The following WDR17 variants were observed in gnomAD, a reference collection of about 807,000 sequenced individuals.
WDR17 encodes WD repeat domain 17.
In WDR17, 143 loss-of-function variants were observed where a neutral mutation model predicts 161.7. The ratio of observed to expected loss-of-function variants is 0.88; its 90% CI spans 0.77 to 1.02. WDR17 has a LOEUF of 1.02. WDR17 is among the 50% of genes least tolerant of loss of function. The pLI, the probability that WDR17 is intolerant of heterozygous loss-of-function variation, is 0.00. For missense variants in WDR17, 1,469 were observed against 1,520.9 expected (o/e 0.97, Z 0.57); for synonymous variants, 517 against 515.6 (o/e 1.00, Z -0.04).
intron 1 of WDR17, among the ~76,000 whole-genome samples, chr4:176,105,214 A>G (rs1738518120): frequency 6.6e-6 from 1 of 152,040 alleles, no homozygotes; most frequent in South Asian, 2.1e-4. Context: ...AAAAAACACC[A>G]TCAAAATATA....
intron 1 of WDR17, among the ~76,000 whole-genome samples, chr4:176,097,742 T>TACACACACACAC (rs35130339): frequency 1.4e-5 from 2 of 143,144 alleles, no homozygotes; most frequent in Non-Finnish European, 3.0e-5. Flanking sequence ...CACACACACA[T>TACACACACACAC]ACACACACAC....
rs1224192086 is a variant in WDR17, at chr4:176,129,849, C to T, written c.913+989C>T. On this transcript the variant is annotated intron_variant, in intron 6 of 28. Coordinates refer to ENST00000508596, the MANE Select transcript of WDR17 (RefSeq NM_181265.4). ...GACTAGAGAAGTAATATGCTGGATG[C>T]TGGCTTACTGTTTAGGGATGTTGGA... Among the ~76,000 whole-genome samples, 4 of 152,148 alleles carry T rather than the reference C, an allele frequency of 2.6e-5. No individual in the cohort carries two copies. In the East Asian group the frequency reaches 7.7e-4, roughly 29 times the overall value.
chr4:176,072,823 A>C (rs545897417), intron 1 of WDR17, among the ~76,000 whole-genome samples: 1 of 152,352 alleles, frequency 6.6e-6, no homozygotes, highest in East Asian at 1.9e-4. Context: ...GAAAAATTAC[A>C]CAATTCAGAA....
intron 22 of WDR17, among the ~76,000 whole-genome samples, chr4:176,164,165 G>A (rs944167968): frequency 3.9e-5 from 6 of 152,112 alleles, no homozygotes; most frequent in Admixed American, 3.9e-4. Flanking sequence ...ACGATTTTAA[G>A]TACTTTATAT....
chr4:176,154,554 AT>A (rs148420315), intron 17 of WDR17, among the ~76,000 whole-genome samples: 6 of 152,120 alleles, frequency 3.9e-5, no homozygotes, highest in African/African-American at 1.2e-4. Context: ...AATGTTGTTT[AT>A]TTTTTTAAGC....
chr4:176,102,497 T>A (rs1737978952), intron 1 of WDR17, among the ~76,000 whole-genome samples: 1 of 152,200 alleles, frequency 6.6e-6, no homozygotes, highest in African/African-American at 2.4e-5. Context: ...TCCTTGGTAT[T>A]TATCTAAATG....
At chr4:176,112,964 G>A (rs2126698989) in intron 2 of WDR17, among the ~76,000 whole-genome samples, 1 of 152,094 alleles carries the variant, frequency 6.6e-6, no homozygotes, top group Non-Finnish European at 1.5e-5. Context: ...AAGAAATATA[G>A]CATTAATGTA....
chr4:176,098,747 T>A (rs1400297984), intron 1 of WDR17, among the ~76,000 whole-genome samples: 2 of 152,008 alleles, frequency 1.3e-5, no homozygotes, highest in African/African-American at 4.8e-5. Flanking sequence ...AATGTAATAA[T>A]ATATATTCAA....
At chr4:176,152,378 C>T (rs976133443) in intron 17 of WDR17, among the ~76,000 whole-genome samples, 1 of 149,758 alleles carries the variant, frequency 6.7e-6, no homozygotes, top group East Asian at 2.0e-4. Context: ...GGGTGGATCA[C>T]GAGGTCAGGA....
Position 176,135,155 on chromosome 4 carries a change from T to C in WDR17, c.1146T>C (p.Pro382=). 6.2e-7 allele frequency: 1 copy of C among 1,612,348 alleles called. No individual in the cohort carries two copies. Among genetic ancestry groups the C allele is most frequent in the Non-Finnish European group, 8.5e-7 (1 of 1,178,660 alleles). The part of the protein sequence containing the change: ...IFDCKFKPDD[P]NLLATASFDG... ...ACTGCAAATTCAAACCTGACGATCC[T>C]AATCTTTTAGCAACAGCTTCATTTG... Residue 382 remains proline (P), a synonymous_variant, in exon 8 of 29, where the codon CCT becomes CCC. Transcript: ENST00000508596.
intron 1 of WDR17, among the ~76,000 whole-genome samples, chr4:176,093,157 A>C (rs1025816348): frequency 6.6e-6 from 1 of 152,196 alleles, no homozygotes; most frequent in African/African-American, 2.4e-5. Flanking sequence ...AGAGTCTATA[A>C]TGAAAACTAT....
At chr4:176,127,462 AT>A (rs1742636536) in intron 5 of WDR17, among the ~76,000 whole-genome samples, 2 of 151,712 alleles carry the variant, frequency 1.3e-5, no homozygotes, top group South Asian at 4.2e-4. Context: ...TACCTGGCTA[AT>A]TTTTCTATTT....
chr4:176,144,340 T>G (rs1384131006), intron 11 of WDR17, among the ~76,000 whole-genome samples: 1 of 152,216 alleles, frequency 6.6e-6, no homozygotes, highest in Non-Finnish European at 1.5e-5. Context: ...CTCTGAAATG[T>G]AAGCCCTATG....
intron 12 of WDR17, 87 bp from the exon 13 acceptor site, chr4:176,148,042 CAAAT>C: frequency 2.7e-6 from 3 of 1,101,854 alleles, no homozygotes; most frequent in Non-Finnish European, 2.5e-6. Flanking sequence ...GATAAGCTAA[CAAAT>C]AATTATTATA....
At chr4:176,155,509 A>G (rs1051375983) in intron 17 of WDR17, among the ~76,000 whole-genome samples, 7 of 139,984 alleles carry the variant, frequency 5.0e-5, no homozygotes, top group Non-Finnish European at 7.8e-5. Context: ...TGTCAATACA[A>G]TCTTTTTTAC....
At position 176,082,031 on chromosome 4, in the gene WDR17, T is replaced by G. The variant is rs539361734; in HGVS notation, c.-7+15952T>G. ...TCTGCTGTGTGTCTAGCTCTTCTGC[T>G]CTAAGTTTCTTGAAGCAGCTTTTTT... On this transcript the variant is annotated intron_variant, in intron 1 of 28. Coordinates refer to ENST00000508596, the MANE Select transcript of WDR17 (RefSeq NM_181265.4). Among the ~76,000 whole-genome samples the G allele has an allele frequency of 2.6e-5, 4 of 152,220 alleles. No homozygotes were observed. The South Asian group carries it at 8.3e-4, about 32-fold the overall frequency.
chr4:176,099,619 T>C (rs951116194), intron 1 of WDR17, among the ~76,000 whole-genome samples: 6 of 152,132 alleles, frequency 3.9e-5, no homozygotes, highest in African/African-American at 1.2e-4. Context: ...AATTATGGAG[T>C]ACAAGTACAA....
At chr4:176,148,526 T>C (rs1746564825) in intron 13 of WDR17, among the ~76,000 whole-genome samples, 191 bp downstream of exon 13, 1 of 152,218 alleles carries the variant, frequency 6.6e-6, no homozygotes, top group African/African-American at 2.4e-5. Context: ...TCAACAAAAA[T>C]TATCAGAAGA....
chr4:176,174,604 T>G lies in WDR17; in HGVS notation c.3348-13T>G. On this transcript the variant is annotated splice_polypyrimidine_tract_variant and intron_variant, in intron 25 of 28. Transcript: ENST00000508596. ...ATTGTGGAATTTATAAAAATAAATA[T>G]ATTCTCTTTTAGAGCTCGAAATGAG... is the stretch of plus-strand genomic sequence containing the variant. The G allele has an allele frequency of 6.3e-7, 1 of 1,578,094 alleles. No individual in the cohort carries two copies. Among genetic ancestry groups the G allele is most frequent in the Non-Finnish European group, 8.6e-7 (1 of 1,156,594 alleles).
Sources: gnomAD v4.1 joint callset for allele counts (sites outside exome capture counted in the v4.1 genomes callset) on GRCh38, gnomAD v4.1.1 for gene constraint, MANE v1.5 for transcripts, NCBI Gene and HGNC (gene_info 2026-07-23, HGNC 2026-07-21) for gene names.